The following PUM2 variants were observed in gnomAD, a reference collection of about 807,000 sequenced individuals.
The protein encoded by PUM2 is pumilio homolog 2.
PUM2 carries 57 observed loss-of-function variants against 124.5 expected under a neutral mutation model. That is an observed-to-expected ratio of 0.46 (90% confidence interval 0.37 to 0.57). The LOEUF (loss-of-function observed/expected upper bound fraction) is 0.57. Ranked by LOEUF, PUM2 falls within the 20% of genes least tolerant of loss-of-function variation. The probability of loss-of-function intolerance (pLI) is 0.00; values close to 1 mark genes in which losing one functional copy is unlikely to be tolerated. For synonymous variants in PUM2, 460 were observed against 446.1 expected (o/e 1.03, Z -0.39); for missense variants, 1,065 against 1,290.6 (o/e 0.83, Z 2.68).
intron 2 of PUM2, chr2:20,326,153 A>C (rs1220936858): frequency 3.9e-6 from 4 of 1,013,546 alleles, no homozygotes; most frequent in African/African-American, 3.6e-5. Context: ...TTTTGTTTAC[A>C]AAAAAAATTC....
intron 7 of PUM2, among the ~76,000 whole-genome samples, chr2:20,303,812 A>G (rs1677574549): frequency 6.6e-6 from 1 of 152,208 alleles, no homozygotes; most frequent in African/African-American, 2.4e-5. Flanking sequence ...TGACTTATTT[A>G]CAAGACCATG....
At chr2:20,295,008 T>A (rs1675174864) in intron 8 of PUM2, among the ~76,000 whole-genome samples, 3 of 152,308 alleles carry the variant, frequency 2.0e-5, no homozygotes, top group East Asian at 3.9e-4. Context: ...AAACCTTAAA[T>A]TTTAAAATAT....
intron 1 of PUM2, among the ~76,000 whole-genome samples, chr2:20,343,860 T>C (rs1302339847): frequency 1.3e-5 from 2 of 152,092 alleles, no homozygotes; most frequent in Non-Finnish European, 2.9e-5. Flanking sequence ...GACTGGGCAG[T>C]TGAGGCTGCA....
chr2:20,333,162 G>C (rs549057158), intron 1 of PUM2: 1 of 152,226 alleles, frequency 6.6e-6, no homozygotes, highest in Non-Finnish European at 1.5e-5. Context: ...CTAATGATGT[G>C]AGGAAAAACA....
chr2:20,349,513 TTTTTG>T (rs1234699322), intron 1 of PUM2, among the ~76,000 whole-genome samples: 1 of 150,584 alleles, frequency 6.6e-6, no homozygotes, highest in East Asian at 1.9e-4. Context: ...AAAATACTCA[TTTTTG>T]TTTTTTTTTT....
In PUM2 at chr2:20,263,310, A is replaced by G; in HGVS notation, c.2108T>C (p.Met703Thr). The change falls in exon 14 of 21, where the codon ATG becomes ACG. Residue 703 changes from methionine to threonine, a missense_variant. Met to Thr is a moderately conservative substitution (Grantham distance 81). This residue lies in a region of PUM2 where 968 missense variants were observed against 1,159.8 expected (regional missense o/e 0.83). Coordinates refer to ENST00000361078, the MANE Select transcript of PUM2 (RefSeq NM_015317.5). ...SRLRYNRSDI[M>T]PSGRSRLLED... ...CAATAATCTACTGCGGCCAGAAGGC[A>G]TAATATCAGACCTATTATACCGAAG... 6.2e-7 allele frequency: 1 copy of G among 1,614,210 alleles called. No individual in the cohort carries two copies.
Position 20,253,979 on chromosome 2 carries a change from C to CG in PUM2, c.2905dup (p.Arg969ProfsTer3). The CG allele has an allele frequency of 6.2e-7, 1 of 1,613,848 alleles. No individual in the cohort carries two copies. Among genetic ancestry groups the CG allele is most frequent in the Non-Finnish European group, 8.5e-7 (1 of 1,179,900 alleles). On this transcript the variant is annotated frameshift_variant, in exon 20 of 21. Transcript: ENST00000361078. LOFTEE classifies it high-confidence loss of function. ...GTCAATCAGTAAAGCTCTCTCAGCA[C>CG]GGGAGGCATGAGTAACACACTTTTC...
At chr2:20,275,276 T>G (rs1466110755) in intron 13 of PUM2, among the ~76,000 whole-genome samples, 2 of 151,910 alleles carry the variant, frequency 1.3e-5, no homozygotes, top group African/African-American at 4.8e-5. Context: ...AACTGAAACA[T>G]ATCAATTATC....
chr2:20,290,895 T>C lies in PUM2; in HGVS notation c.1153-105A>G, dbSNP rs949336501. The stretch of plus-strand genomic sequence containing the variant: ...TTACAAACAGCCTTTGGATATTTTT[T>C]AAACATTTACATGCAAGGAAATGTA... On this transcript the variant is annotated intron_variant, in intron 9 of 20. Transcript: ENST00000361078. 4.3e-6 allele frequency: 4 copies of C among 939,368 alleles called. No individual in the cohort carries two copies. In the African/African-American group the frequency reaches 5.0e-5, roughly 12 times the overall value. 58.2% of individuals were successfully genotyped at this position (939,368 alleles called of 1,614,324 possible).
chr2:20,320,619 C>T (rs1205041512), intron 2 of PUM2, among the ~76,000 whole-genome samples: 2 of 151,040 alleles, frequency 1.3e-5, no homozygotes, highest in Non-Finnish European at 3.0e-5. Context: ...TTTTTAAATG[C>T]TAGGATGGCC....
At chr2:20,344,393 C>G (rs1185889065) in intron 1 of PUM2, among the ~76,000 whole-genome samples, 1 of 152,202 alleles carries the variant, frequency 6.6e-6, no homozygotes, top group East Asian at 1.9e-4. Context: ...AGTCAAATAC[C>G]TAACTCCTAA....
At chr2:20,333,718 G>T (rs1558668167) in intron 1 of PUM2, among the ~76,000 whole-genome samples, 1 of 152,084 alleles carries the variant, frequency 6.6e-6, no homozygotes, top group Non-Finnish European at 1.5e-5. Context: ...TTCAAGACCA[G>T]CCCTTGCAAC....
intron 13 of PUM2, among the ~76,000 whole-genome samples, chr2:20,269,507 TTTGCCATA>T (rs1668535876): frequency 6.6e-6 from 1 of 152,180 alleles, no homozygotes; most frequent in Admixed American, 6.5e-5. Flanking sequence ...TAACTATACA[TTTGCCATA>T]TAAAGACACA....
At chr2:20,315,060 C>CTTTT (rs11327686) in intron 3 of PUM2, among the ~76,000 whole-genome samples, 1 of 124,914 alleles carries the variant, frequency 8.0e-6, no homozygotes, top group Non-Finnish European at 1.7e-5. Context: ...AAGTGTGCTT[C>CTTTT]TTTTTTTTTT....
Position 20,320,066 on chromosome 2 carries a change from G to A in PUM2, c.52-1421C>T, listed in dbSNP as rs1273436586. ...GTGGATCACGAGGTCAGGAGTTCAA[G>A]ACCAGCCTGGCCAAGACGGTGAAAC... On this transcript the variant is annotated intron_variant, in intron 2 of 20. Transcript: ENST00000361078. Among the ~76,000 whole-genome samples, 5 of 152,222 alleles carry A rather than the reference G, an allele frequency of 3.3e-5. No homozygotes were observed. In the South Asian group the frequency reaches 6.2e-4, roughly 19 times the overall value.
chr2:20,269,814 G>C (rs1207139249), intron 13 of PUM2, among the ~76,000 whole-genome samples: 2 of 151,890 alleles, frequency 1.3e-5, no homozygotes, highest in Non-Finnish European at 2.9e-5. Context: ...TTTTATTATA[G>C]TCTTTACTGG....
chr2:20,300,036 T>C (rs147476282), intron 7 of PUM2, among the ~76,000 whole-genome samples: 4 of 152,352 alleles, frequency 2.6e-5, no homozygotes, highest in South Asian at 2.1e-4. Context: ...TCAGAGAGAA[T>C]AGACTCTGTT....
At chr2:20,300,118 TC>T (rs941184722) in intron 7 of PUM2, among the ~76,000 whole-genome samples, 1 of 151,984 alleles carries the variant, frequency 6.6e-6, no homozygotes, top group Non-Finnish European at 1.5e-5. Context: ...AACCCCTACT[TC>T]CCATCACAGC....
intron 3 of PUM2, among the ~76,000 whole-genome samples, chr2:20,314,012 G>T (rs763780455): frequency 6.6e-6 from 1 of 151,690 alleles, no homozygotes; most frequent in South Asian, 2.1e-4. Flanking sequence ...ACATGGTGAC[G>T]GGCACTTATA....
Sources: gnomAD v4.1 joint callset for allele counts (sites outside exome capture counted in the v4.1 genomes callset) on GRCh38, gnomAD v4.1.1 for gene constraint, gnomAD v4.1.1 regional missense constraint, MANE v1.5 for transcripts, NCBI Gene and HGNC (gene_info 2026-07-23, HGNC 2026-07-21) for gene names.